The following STXBP5L variants were observed in gnomAD, a reference collection of about 807,000 sequenced individuals.
STXBP5L encodes the protein syntaxin-binding protein 5-like.
In STXBP5L, 65 loss-of-function variants were observed where a neutral mutation model predicts 144.5. The ratio of observed to expected loss-of-function variants is 0.45; its 90% confidence interval spans 0.37 to 0.55. The LOEUF (loss-of-function observed/expected upper bound fraction) is 0.55, where lower values mean the gene tolerates loss of function less well. STXBP5L is among the 20% of genes least tolerant of loss of function. The pLI is 0.00. For missense variants in STXBP5L, 1,298 were observed against 1,405.5 expected (o/e 0.92, Z 1.22); for synonymous variants, 505 against 469.6 (o/e 1.08, Z -0.97).
chr3:121,125,180 A>G (rs953086223), intron 7 of STXBP5L, among the ~76,000 whole-genome samples: 1 of 152,104 alleles, frequency 6.6e-6, no homozygotes, highest in Non-Finnish European at 1.5e-5. Flanking sequence ...CAAAATCAAG[A>G]TAATATGGTT....
chr3:121,394,013 G>C (rs1345347008), intron 22 of STXBP5L, among the ~76,000 whole-genome samples: 1 of 152,066 alleles, frequency 6.6e-6, no homozygotes, highest in Non-Finnish European at 1.5e-5. Context: ...AGATTGTTTT[G>C]GGCAGTATGG....
chr3:121,050,339 TTAAAA>T (rs1408984830), intron 5 of STXBP5L, among the ~76,000 whole-genome samples: 1 of 152,090 alleles, frequency 6.6e-6, no homozygotes, highest in Non-Finnish European at 1.5e-5. Flanking sequence ...TTATTTTAGT[TTAAAA>T]TAAGTAATGT....
chr3:120,917,006 C>T (rs1310073112), intron 2 of STXBP5L, among the ~76,000 whole-genome samples: 1 of 151,986 alleles, frequency 6.6e-6, no homozygotes, highest in Non-Finnish European at 1.5e-5. Flanking sequence ...TGGTAAACAT[C>T]CATGTAGATG....
chr3:121,156,006 C>G (rs1196716524), intron 8 of STXBP5L, among the ~76,000 whole-genome samples: 1 of 151,788 alleles, frequency 6.6e-6, no homozygotes, highest in Non-Finnish European at 1.5e-5. Context: ...GAAGATGTGA[C>G]TTTCCCTTGA....
intron 9 of STXBP5L, among the ~76,000 whole-genome samples, chr3:121,191,130 G>A (rs530055703): frequency 6.6e-6 from 1 of 152,156 alleles, no homozygotes; most frequent in African/African-American, 2.4e-5. Context: ...TCACTTTCTA[G>A]ACAGGGTGGC....
chr3:121,079,321 A>G (rs1193134195), intron 5 of STXBP5L, among the ~76,000 whole-genome samples: 1 of 152,230 alleles, frequency 6.6e-6, no homozygotes, highest in Non-Finnish European at 1.5e-5. Context: ...TGAGAGAAAC[A>G]TGTCTTGCAA....
chr3:121,142,386 A>G (rs767038784), intron 7 of STXBP5L, among the ~76,000 whole-genome samples: 1 of 152,000 alleles, frequency 6.6e-6, no homozygotes, highest in Non-Finnish European at 1.5e-5. Context: ...GGGCTTCAAT[A>G]ACACTATAGA....
intron 20 of STXBP5L, among the ~76,000 whole-genome samples, chr3:121,345,300 G>A (rs1576233182): frequency 6.6e-6 from 1 of 151,994 alleles, no homozygotes; most frequent in African/African-American, 2.4e-5. Context: ...GAGAATGATG[G>A]TTTCCAGCTT....
chr3:121,000,828 G>T (rs1054392798), intron 3 of STXBP5L, among the ~76,000 whole-genome samples: 1 of 152,086 alleles, frequency 6.6e-6, no homozygotes, highest in Non-Finnish European at 1.5e-5. Flanking sequence ...TTCGACTGTG[G>T]TATAAGTTGG....
chr3:121,002,884 CTCA>C (rs1201442993), intron 3 of STXBP5L, among the ~76,000 whole-genome samples: 2 of 152,136 alleles, frequency 1.3e-5, no homozygotes, highest in Non-Finnish European at 2.9e-5. Flanking sequence ...AGAACATGAA[CTCA>C]TCATTTTTTA....
intron 14 of STXBP5L, among the ~76,000 whole-genome samples, chr3:121,242,027 C>A (rs1323883210): frequency 6.6e-6 from 1 of 152,036 alleles, no homozygotes; most frequent in Admixed American, 6.6e-5. Context: ...AATCTTGAAT[C>A]CTATAACCAA....
chr3:121,145,951 C>T lies in STXBP5L; in HGVS notation c.670-6526C>T, dbSNP rs115509628. 1.4e-3 allele frequency among the ~76,000 whole-genome samples: 208 copies of T among 152,076 alleles called. 1 individual carries two copies. The highest frequency in any genetic ancestry group is 2.4e-3 in the Non-Finnish European group (166 of 67,908). On this transcript the variant is annotated intron_variant, in intron 7 of 26. Transcript: ENST00000471454. Reference sequence around the variant, plus strand: ...TGAGCTTAGGATAGAACAAAAAAGACGAAAGGTGAATTTGCTCTCTCTACT... The same window carrying T: ...TGAGCTTAGGATAGAACAAAAAAGATGAAAGGTGAATTTGCTCTCTCTACT...
chr3:121,095,258 T>C (rs1032822192), intron 5 of STXBP5L, among the ~76,000 whole-genome samples: 4 of 152,206 alleles, frequency 2.6e-5, no homozygotes, highest in Non-Finnish European at 4.4e-5. Context: ...CTGACACTTA[T>C]GTGTCTTGGA....
chr3:121,206,663 A>T (rs560728966), intron 10 of STXBP5L, among the ~76,000 whole-genome samples: 1 of 152,144 alleles, frequency 6.6e-6, no homozygotes, highest in South Asian at 2.1e-4. Context: ...TACACAAAAA[A>T]ATTAGCTGGG....
At position 121,055,095 on chromosome 3, in the gene STXBP5L, C is replaced by G. The variant is rs115504618; in HGVS notation, c.470+9560C>G. ...ACAGATTTGAGATAAGTTTTAATCA[C>G]AGGAAGTTTGAAAATGTTTTAATGC... On this transcript the variant is annotated intron_variant, in intron 5 of 26. Coordinates refer to ENST00000471454, the MANE Select transcript of STXBP5L (RefSeq NM_001308330.2). Among the ~76,000 whole-genome samples, 734 of 152,140 alleles carry G rather than the reference C, an allele frequency of 4.8e-3. 10 individuals carry two copies. The highest frequency in any genetic ancestry group is 0.016 in the African/African-American group (676 of 41,496).
intron 18 of STXBP5L, among the ~76,000 whole-genome samples, chr3:121,276,777 G>A (rs9820697): frequency 0.1 from 15,069 of 150,758 alleles, 1,176 homozygotes; most frequent in Admixed American, 0.2. Context: ...TTTTCTCTTT[G>A]TTATTAGTTG....
chr3:121,187,092 C>T (rs969276487), intron 9 of STXBP5L, among the ~76,000 whole-genome samples: 42 of 152,134 alleles, frequency 2.8e-4, no homozygotes, highest in African/African-American at 9.7e-4. Flanking sequence ...ATAAAAGATG[C>T]TGCTATAAAG....
intron 11 of STXBP5L, among the ~76,000 whole-genome samples, chr3:121,225,594 G>A (rs2049098416): frequency 6.6e-6 from 1 of 152,040 alleles, no homozygotes; most frequent in Admixed American, 6.6e-5. Context: ...TACCACAAAT[G>A]TGTTGGCTAC....
intron 19 of STXBP5L, among the ~76,000 whole-genome samples, chr3:121,316,707 G>A (rs895779517): frequency 3.3e-5 from 5 of 152,158 alleles, no homozygotes; most frequent in Non-Finnish European, 5.9e-5. Flanking sequence ...TGGCACAGTA[G>A]GCATTCAATA....
Sources: allele counts gnomAD v4.1 joint callset (sites outside exome capture counted in the v4.1 genomes callset), GRCh38; gene constraint gnomAD v4.1.1; transcripts MANE v1.5; gene names NCBI Gene and HGNC (gene_info 2026-07-23, HGNC 2026-07-21).